Variants in EPHA6 observed in about 807,000 individuals in gnomAD.
The protein encoded by EPHA6 is EPH receptor A6.
A neutral mutation model predicts 112.0 loss-of-function variants in EPHA6; 50 were observed. The ratio of observed to expected loss-of-function variants is 0.45; its 90% CI spans 0.36 to 0.56. The LOEUF (loss-of-function observed/expected upper bound fraction) is 0.56, where lower values mean the gene tolerates loss of function less well. EPHA6 is among the 20% of genes least tolerant of loss of function. EPHA6 has a pLI of 0.00. For synonymous variants in EPHA6, 529 were observed against 490.7 expected (o/e 1.08, Z -1.03); for missense variants, 1,280 against 1,417.4 (o/e 0.90, Z 1.56).
intron 6 of EPHA6, among the ~76,000 whole-genome samples, chr3:97,418,241 C>A (rs1162070166): frequency 6.6e-6 from 1 of 151,338 alleles, no homozygotes; most frequent in East Asian, 1.9e-4. Context: ...CTAATAATTA[C>A]TAATGAAAAG....
intron 5 of EPHA6, among the ~76,000 whole-genome samples, chr3:97,294,919 C>T (rs140717954): frequency 5.2e-4 from 79 of 152,246 alleles, no homozygotes; most frequent in Middle Eastern, 3.4e-3. Context: ...CTCACATAGC[C>T]TATAAGGTTT....
chr3:97,736,120 T>G lies in EPHA6; in HGVS notation c.3128+2T>G. 1 of 1,608,808 alleles carries G rather than the reference T, an allele frequency of 6.2e-7. No homozygotes were observed. ...CACCCTGGTGGAGGACATCCTTGTGTAAGAGGCATAATGTTGAGTTTTTTT... is the reference window on the plus strand; with the variant it reads ...CACCCTGGTGGAGGACATCCTTGTGGAAGAGGCATAATGTTGAGTTTTTTT... On this transcript the variant is annotated splice_donor_variant, in intron 16 of 17. Transcript: ENST00000389672. LOFTEE classifies it high-confidence loss of function.
chr3:96,887,910 C>T (rs913077846), intron 2 of EPHA6, among the ~76,000 whole-genome samples: 5 of 152,050 alleles, frequency 3.3e-5, no homozygotes, highest in African/African-American at 9.7e-5. Flanking sequence ...AGCTCCCACG[C>T]AAACCAAAGG....
chr3:97,262,951 A>G (rs116735943), intron 5 of EPHA6, among the ~76,000 whole-genome samples: 1,937 of 152,358 alleles, frequency 0.013, 36 homozygotes, highest in African/African-American at 0.042. Flanking sequence ...TCATGGTTTC[A>G]TGAAAATAAT....
chr3:97,507,282 A>G (rs2092272786), intron 10 of EPHA6, among the ~76,000 whole-genome samples: 1 of 152,126 alleles, frequency 6.6e-6, no homozygotes, highest in Admixed American at 6.5e-5. Flanking sequence ...CCCATTCACT[A>G]TGATATTGGC....
chr3:97,564,345 A>G (rs2093232084), intron 11 of EPHA6, among the ~76,000 whole-genome samples: 2 of 152,122 alleles, frequency 1.3e-5, no homozygotes, highest in Non-Finnish European at 2.9e-5. Flanking sequence ...ATTCTGAAGT[A>G]TTGCATTTAC....
intron 5 of EPHA6, among the ~76,000 whole-genome samples, chr3:97,400,065 T>A (rs926428763): frequency 4.0e-5 from 6 of 151,780 alleles, no homozygotes; most frequent in Admixed American, 3.9e-4. Context: ...AATAGTTTTA[T>A]ATTTTTGAGT....
chr3:96,828,596 A>G (rs145756750), intron 1 of EPHA6, among the ~76,000 whole-genome samples: 8 of 152,168 alleles, frequency 5.3e-5, no homozygotes, highest in African/African-American at 1.9e-4. Context: ...GTTCCTGGAA[A>G]TAAACCCCGG....
chr3:96,993,216 G>A (rs1204825010), intron 3 of EPHA6, among the ~76,000 whole-genome samples: 6 of 151,818 alleles, frequency 4.0e-5, no homozygotes, highest in South Asian at 2.1e-4. Context: ...CCACACAGTC[G>A]TAACTAATGT....
chr3:97,098,061 A>G (rs2047295655), intron 3 of EPHA6, among the ~76,000 whole-genome samples: 1 of 152,112 alleles, frequency 6.6e-6, no homozygotes, highest in African/African-American at 2.4e-5. Flanking sequence ...TATTTACAAC[A>G]TACCAAGCAC....
chr3:97,180,332 A>G (rs1027790177), intron 3 of EPHA6, among the ~76,000 whole-genome samples: 1 of 151,964 alleles, frequency 6.6e-6, no homozygotes, highest in African/African-American at 2.4e-5. Flanking sequence ...TCCAATTATC[A>G]AGTCCTGGAA....
chr3:96,952,738 C>T (rs962934910), intron 2 of EPHA6, among the ~76,000 whole-genome samples: 9 of 152,070 alleles, frequency 5.9e-5, no homozygotes, highest in South Asian at 4.2e-4. Flanking sequence ...TCTATTTACT[C>T]GGTTGATAGT....
chr3:97,443,189 G>C (rs1220118210), intron 6 of EPHA6, among the ~76,000 whole-genome samples: 2 of 151,950 alleles, frequency 1.3e-5, no homozygotes, highest in African/African-American at 4.8e-5. Context: ...GAGAGGCAGG[G>C]TGAGGAAGTC....
At chr3:97,419,846 A>G (rs550514843) in intron 6 of EPHA6, among the ~76,000 whole-genome samples, 1 of 152,316 alleles carries the variant, frequency 6.6e-6, no homozygotes, top group South Asian at 2.1e-4. Flanking sequence ...TTCAAGAAAG[A>G]AGACACTTAG....
At chr3:97,640,449 C>T (rs1173290506) in intron 14 of EPHA6, among the ~76,000 whole-genome samples, 1 of 152,070 alleles carries the variant, frequency 6.6e-6, no homozygotes, top group African/African-American at 2.4e-5. Flanking sequence ...CAGGAAATAA[C>T]AAACATAGAC....
At chr3:97,286,917 G>A (rs910656569) in intron 5 of EPHA6, among the ~76,000 whole-genome samples, 4 of 150,460 alleles carry the variant, frequency 2.7e-5, no homozygotes, top group South Asian at 2.1e-4. Flanking sequence ...AATCACTTTC[G>A]TCAGTGTTTT....
intron 11 of EPHA6, among the ~76,000 whole-genome samples, chr3:97,563,799 T>C (rs1055985218): frequency 6.6e-6 from 1 of 152,184 alleles, no homozygotes; most frequent in South Asian, 2.1e-4. Flanking sequence ...AGACTTGTAC[T>C]TCCTTCTCTA....
intron 7 of EPHA6, among the ~76,000 whole-genome samples, chr3:97,455,921 G>C (rs986783439): frequency 6.6e-6 from 1 of 151,816 alleles, no homozygotes; most frequent in South Asian, 2.1e-4. Context: ...ATGGGAACCA[G>C]GCTTATGTAC....
At chr3:97,304,642 G>A (rs2081238572) in intron 5 of EPHA6, among the ~76,000 whole-genome samples, 1 of 151,980 alleles carries the variant, frequency 6.6e-6, no homozygotes, top group Non-Finnish European at 1.5e-5. Flanking sequence ...CAAGCAATGG[G>A]AAAAGGATTC....
Sources: allele counts gnomAD v4.1 joint callset (sites outside exome capture counted in the v4.1 genomes callset), GRCh38; gene constraint gnomAD v4.1.1; transcripts MANE v1.5; gene names NCBI Gene and HGNC (gene_info 2026-07-23, HGNC 2026-07-21).